The following CCDC171 variants were observed in gnomAD, a reference collection of about 807,000 sequenced individuals.
The protein encoded by CCDC171 is coiled-coil domain-containing protein 171.
CCDC171 carries 177 observed loss-of-function variants against 168.2 expected under a neutral mutation model. The ratio of observed to expected loss-of-function variants is 1.05; its 90% CI spans 0.93 to 1.19. CCDC171 has a LOEUF of 1.19. Among genes scored for constraint, CCDC171 ranks in the 50% most tolerant of loss-of-function variants. CCDC171 has a pLI of 0.00. For missense variants in CCDC171, 1,991 were observed against 1,539.0 expected (o/e 1.29, Z -4.91); for synonymous variants, 687 against 540.8 (o/e 1.27, Z -3.75).
intron 24 of CCDC171, among the ~76,000 whole-genome samples, chr9:15,898,915 A>G (rs1821267273): frequency 6.6e-6 from 1 of 152,190 alleles, no homozygotes; most frequent in Non-Finnish European, 1.5e-5. Flanking sequence ...ATCAAGATAC[A>G]GAAAGGTACC....
intron 24 of CCDC171, among the ~76,000 whole-genome samples, chr9:15,880,626 GTTTTTT>G (rs57349228): frequency 0.034 from 4,004 of 116,100 alleles, 160 homozygotes; most frequent in African/African-American, 0.11. Context: ...CCGCCTAATT[GTTTTTT>G]TTTTTTTTTT....
intron 11 of CCDC171, among the ~76,000 whole-genome samples, chr9:15,711,920 A>T (rs1220605468): frequency 6.6e-6 from 1 of 152,168 alleles, no homozygotes; most frequent in African/African-American, 2.4e-5. Context: ...TCTCAGCTGG[A>T]TATGGTTCCA....
At chr9:15,980,944 C>G (rs1831776226) in intron 3 of CCDC171, among the ~76,000 whole-genome samples, 1 of 151,974 alleles carries the variant, frequency 6.6e-6, no homozygotes, top group African/African-American at 2.4e-5. Flanking sequence ...GTTGGGAAGC[C>G]TCACAATCAT....
chr9:15,874,957 A>G (rs1307942463), intron 24 of CCDC171: 7 of 186,310 alleles, frequency 3.8e-5, no homozygotes, highest in Non-Finnish European at 5.5e-5. Flanking sequence ...GCAGAGGACA[A>G]TAAGACACTA....
At chr9:15,653,276 A>T (rs967348339) in intron 7 of CCDC171, among the ~76,000 whole-genome samples, 1 of 152,070 alleles carries the variant, frequency 6.6e-6, no homozygotes, top group Non-Finnish European at 1.5e-5. Context: ...AGTTGCTGGG[A>T]CTACAGGTGC....
chr9:15,658,554 T>C (rs558232017), intron 8 of CCDC171, among the ~76,000 whole-genome samples: 3 of 152,262 alleles, frequency 2.0e-5, no homozygotes, highest in African/African-American at 7.2e-5. Context: ...AGATGTGATT[T>C]ATTTGAGGAT....
At chr9:16,080,986 C>T in the CCDC171 span, among the ~76,000 whole-genome samples, 3 of 152,250 alleles carry the variant, frequency 2.0e-5, no homozygotes, top group South Asian at 6.2e-4. Context: ...AGTTTATTTG[C>T]AGCCGTCTCT....
rs185043327 is a variant in CCDC171, at chr9:15,967,272, A to T, written c.3754-4337A>T. On this transcript the variant is annotated intron_variant, in intron 25 of 25. Transcript: ENST00000380701. ...CTCTTGTGGGTGCTTTGATTTCTTC[A>T]TCTGTTTATGTGGAGCTGTGCAGAC... Among the ~76,000 whole-genome samples, 39 of 152,306 alleles carry T rather than the reference A, an allele frequency of 2.6e-4. No homozygotes were observed. The East Asian group carries it at 7.1e-3, about 28-fold the overall frequency.
chr9:16,034,975 C>T (rs1042902852), intron 6 of CCDC171, among the ~76,000 whole-genome samples: 1 of 152,160 alleles, frequency 6.6e-6, no homozygotes, highest in Admixed American at 6.6e-5. Context: ...AAACACAGTT[C>T]CAAATTGAGT....
intron 6 of CCDC171, among the ~76,000 whole-genome samples, chr9:15,603,136 C>G (rs1458242369): frequency 2.0e-5 from 3 of 152,120 alleles, no homozygotes; most frequent in Admixed American, 6.5e-5. Context: ...CGCCCGTCAC[C>G]ACGCCCAGCT....
intron 1 of CCDC171, among the ~76,000 whole-genome samples, chr9:16,049,500 A>G (rs1833716783): frequency 6.6e-6 from 1 of 152,178 alleles, no homozygotes; most frequent in African/African-American, 2.4e-5. Context: ...CAGAAGGCAA[A>G]CTGGTCTTTC....
chr9:16,083,987 G>A, the CCDC171 span, among the ~76,000 whole-genome samples: 5 of 152,152 alleles, frequency 3.3e-5, no homozygotes, highest in African/African-American at 1.2e-4. Flanking sequence ...AAGATAAGTG[G>A]TAGACTAAAG....
chr9:15,909,896 G>C (rs1370709483), intron 24 of CCDC171, among the ~76,000 whole-genome samples: 1 of 152,020 alleles, frequency 6.6e-6, no homozygotes, highest in Non-Finnish European at 1.5e-5. Context: ...TTGCATAGTG[G>C]TGAAGTCTGC....
intron 9 of CCDC171, among the ~76,000 whole-genome samples, chr9:15,675,171 T>G (rs1209381766): frequency 6.8e-6 from 1 of 147,798 alleles, no homozygotes; most frequent in Admixed American, 6.9e-5. Flanking sequence ...TATCAGAGAC[T>G]AGGATTGCAA....
intron 24 of CCDC171, among the ~76,000 whole-genome samples, chr9:15,893,081 C>T (rs538578980): frequency 1.3e-5 from 2 of 152,058 alleles, no homozygotes; most frequent in Non-Finnish European, 2.9e-5. Flanking sequence ...CTTGTATAAG[C>T]ACAGATACAT....
chr9:15,963,933 G>A (rs1830571992), intron 25 of CCDC171, among the ~76,000 whole-genome samples: 2 of 152,190 alleles, frequency 1.3e-5, no homozygotes, highest in South Asian at 4.1e-4. Flanking sequence ...AAGTAAAAGT[G>A]TACAATTTTA....
chr9:16,016,627 C>T (rs1264404126), intron 3 of CCDC171, among the ~76,000 whole-genome samples: 1 of 152,154 alleles, frequency 6.6e-6, no homozygotes, highest in African/African-American at 2.4e-5. Flanking sequence ...CCTTGGCTCA[C>T]TCTCCTTCAT....
chr9:15,745,928 A>G (rs1354730024), intron 18 of CCDC171, among the ~76,000 whole-genome samples: 1 of 151,948 alleles, frequency 6.6e-6, no homozygotes, highest in Non-Finnish European at 1.5e-5. Flanking sequence ...AATACTGGCA[A>G]TGTTTTTTCA....
intron 21 of CCDC171, among the ~76,000 whole-genome samples, chr9:15,814,723 A>C (rs1383968136): frequency 6.6e-6 from 1 of 152,096 alleles, no homozygotes; most frequent in Admixed American, 6.5e-5. Flanking sequence ...TTGTAGAATC[A>C]TCTAATGAAG....
Sources: gnomAD v4.1 joint callset for allele counts (sites outside exome capture counted in the v4.1 genomes callset) on GRCh38, gnomAD v4.1.1 for gene constraint, MANE v1.5 for transcripts, NCBI Gene and HGNC (gene_info 2026-07-23, HGNC 2026-07-21) for gene names.